Variants in KCNU1 observed in about 807,000 individuals in gnomAD.
KCNU1 encodes the protein potassium calcium-activated channel subfamily U member 1.
Under a neutral mutation model 126.8 loss-of-function variants are expected in KCNU1, and 93 were observed. The ratio of observed to expected loss-of-function variants is 0.73; its 90% CI spans 0.62 to 0.87. The LOEUF is 0.87. Ranked by LOEUF, KCNU1 falls within the 40% of genes least tolerant of loss-of-function variation. The pLI, the probability that KCNU1 is intolerant of heterozygous loss-of-function variation, is 0.00. For synonymous variants in KCNU1, 523 were observed against 494.2 expected, an observed-to-expected ratio of 1.06 and a Z score of -0.77; for missense variants, 1,330 against 1,367.1, an observed-to-expected ratio of 0.97 and a Z score of 0.43.
intron 10 of KCNU1, among the ~76,000 whole-genome samples, chr8:36,830,880 G>T (rs1490636694): frequency 6.6e-6 from 1 of 150,862 alleles, no homozygotes; most frequent in Admixed American, 6.6e-5. Flanking sequence ...CTAGCATTAG[G>T]TATATCTCCC....
intron 24 of KCNU1, among the ~76,000 whole-genome samples, chr8:36,929,818 G>C (rs541353002): frequency 1.5e-4 from 23 of 152,240 alleles, no homozygotes; most frequent in Admixed American, 3.3e-4. Flanking sequence ...TTCGTGTCAG[G>C]ATACTAAAAG....
chr8:36,873,985 A>G (rs1806195417), intron 19 of KCNU1, among the ~76,000 whole-genome samples: 8 of 152,208 alleles, frequency 5.3e-5, no homozygotes. Flanking sequence ...TGAAAAGTCA[A>G]TTATGCCAGA....
chr8:36,929,601 G>GC (rs1808638563), intron 24 of KCNU1, among the ~76,000 whole-genome samples: 1 of 152,072 alleles, frequency 6.6e-6, no homozygotes, highest in African/African-American at 2.4e-5. Context: ...ATTTCATTCT[G>GC]CTTAGAAGAC....
intron 2 of KCNU1, among the ~76,000 whole-genome samples, chr8:36,794,485 AT>A (rs768431276): frequency 1.3e-5 from 2 of 151,830 alleles, no homozygotes; most frequent in African/African-American, 4.8e-5. Context: ...TAATTTTAGT[AT>A]TTTTTTTCCA....
chr8:36,854,219 T>C (rs1290357006), intron 18 of KCNU1, among the ~76,000 whole-genome samples: 1 of 152,168 alleles, frequency 6.6e-6, no homozygotes, highest in Non-Finnish European at 1.5e-5. Context: ...TTTATCCTAC[T>C]AGGAGTTTAT....
At chr8:36,813,749 T>G (rs1020958837) in intron 7 of KCNU1, among the ~76,000 whole-genome samples, 1 of 152,166 alleles carries the variant, frequency 6.6e-6, no homozygotes, top group African/African-American at 2.4e-5. Context: ...CTGTAGACAC[T>G]AGCATTCTAT....
At chr8:36,794,055 CAAAAA>C (rs747930765) in intron 2 of KCNU1, among the ~76,000 whole-genome samples, 11 of 64,988 alleles carry the variant, frequency 1.7e-4, no homozygotes, top group African/African-American at 5.0e-4. Flanking sequence ...CTCTGTCTCT[CAAAAA>C]AAAAAAAAAA....
At chr8:36,892,846 GT>G (rs375751937) in intron 19 of KCNU1, among the ~76,000 whole-genome samples, 108 of 151,984 alleles carry the variant, frequency 7.1e-4, no homozygotes, top group African/African-American at 2.5e-3. Flanking sequence ...AATACCTCAG[GT>G]TTTTTTTCCC....
In KCNU1 at chr8:36,833,615, A is replaced by C; in HGVS notation, c.1168A>C (p.Ile390Leu). The C allele has an allele frequency of 1.2e-6, 2 of 1,612,512 alleles. No homozygotes were observed. Among genetic ancestry groups the C allele is most frequent in the Middle Eastern group, 1.7e-4 (1 of 6,054 alleles). ...FKCYLAYTTF[I>L]SGSAMKWEDL... ...ATGCTACTTGGCCTACACAACGTTC[A>C]TTTCTGGATCTGCAATGAAGTGGGA... Residue 390 changes from isoleucine (I) to leucine (L), a missense_variant, in exon 11 of 27, where the codon ATT (isoleucine) becomes CTT (leucine). Coordinates refer to ENST00000399881, the MANE Select transcript of KCNU1 (RefSeq NM_001031836.3).
At chr8:36,847,050 T>G (rs1012404637) in intron 18 of KCNU1, among the ~76,000 whole-genome samples, 1 of 152,164 alleles carries the variant, frequency 6.6e-6, no homozygotes, top group Non-Finnish European at 1.5e-5. Flanking sequence ...TTAACTTTGG[T>G]CTGTAATTGT....
intron 14 of KCNU1, among the ~76,000 whole-genome samples, chr8:36,837,297 A>T (rs1453914525): frequency 6.6e-6 from 1 of 152,230 alleles, no homozygotes; most frequent in Non-Finnish European, 1.5e-5. Flanking sequence ...TATATTATTA[A>T]TGAAGGATTC....
intron 14 of KCNU1, among the ~76,000 whole-genome samples, chr8:36,839,465 C>T (rs879399154): frequency 2.0e-5 from 3 of 152,102 alleles, no homozygotes; most frequent in Non-Finnish European, 2.9e-5. Context: ...AATCAGAGCC[C>T]GCCTCATGAG....
chr8:36,824,776 A>G lies in KCNU1; in HGVS notation c.1106+7016A>G, dbSNP rs567218385. 6.7e-4 allele frequency among the ~76,000 whole-genome samples: 102 copies of G among 152,096 alleles called. 1 individual carries two copies. Among genetic ancestry groups the G allele is most frequent in the African/African-American group, 2.4e-3 (101 of 41,482 alleles). On this transcript the variant is annotated intron_variant, in intron 10 of 26. Coordinates refer to ENST00000399881, the MANE Select transcript of KCNU1 (RefSeq NM_001031836.3). ...ATATAAATTTATTTACCTCAATGTT[A>G]TGTTTGTTATATTTATCCATATTGC... is the stretch of plus-strand genomic sequence containing the variant.
Position 36,932,919 on chromosome 8 carries a change from G to A in KCNU1, c.2932-1G>A, listed in dbSNP as rs1175574894. On this transcript the variant is annotated splice_acceptor_variant, in intron 25 of 26. Coordinates refer to ENST00000399881, the MANE Select transcript of KCNU1 (RefSeq NM_001031836.3). LOFTEE classifies it high-confidence loss of function. ...CATATTTTTGTCTCTTCTCTCCCCA[G>A]CCAAGAAACACCTTTGGACAACTGT... 2 of 1,548,964 alleles carry A rather than the reference G, an allele frequency of 1.3e-6. No homozygotes were observed. Among genetic ancestry groups the A allele is most frequent in the East Asian group, 2.4e-5 (1 of 42,498 alleles).
intron 19 of KCNU1, among the ~76,000 whole-genome samples, chr8:36,882,262 G>A (rs1352660541): frequency 1.3e-5 from 2 of 152,200 alleles, no homozygotes; most frequent in Non-Finnish European, 2.9e-5. Context: ...GCAGGGCTGT[G>A]GAGGAATGTT....
chr8:36,873,926 G>GA (rs1284598996), intron 19 of KCNU1, among the ~76,000 whole-genome samples: 4 of 151,782 alleles, frequency 2.6e-5, no homozygotes, highest in South Asian at 2.1e-4. Context: ...AACAACAGGA[G>GA]AAAAAAAATC....
chr8:36,871,118 C>A (rs1441278381), intron 19 of KCNU1, among the ~76,000 whole-genome samples: 1 of 152,046 alleles, frequency 6.6e-6, no homozygotes, highest in Non-Finnish European at 1.5e-5. Context: ...TAAATATATT[C>A]TCATATAATT....
At chr8:36,828,723 GGT>G (rs1449510051) in intron 10 of KCNU1, among the ~76,000 whole-genome samples, 3 of 152,034 alleles carry the variant, frequency 2.0e-5, no homozygotes, top group Admixed American at 2.0e-4. Context: ...TATGGCTCCT[GGT>G]GGACACATGA....
intron 26 of KCNU1, among the ~76,000 whole-genome samples, chr8:36,934,815 A>T (rs1808805249): frequency 6.6e-6 from 1 of 152,106 alleles, no homozygotes; most frequent in Non-Finnish European, 1.5e-5. Flanking sequence ...GCACTGCTGC[A>T]CTCATTACTT....
Sources: gnomAD v4.1 joint callset for allele counts (sites outside exome capture counted in the v4.1 genomes callset) on GRCh38, gnomAD v4.1.1 for gene constraint, MANE v1.5 for transcripts, NCBI Gene and HGNC (gene_info 2026-07-23, HGNC 2026-07-21) for gene names.